F2R: variants seen among roughly 807,000 people sequenced by gnomAD.
F2R encodes the protein proteinase-activated receptor 1.
F2R carries 12 observed loss-of-function variants against 18.3 expected under a neutral mutation model. The observed-to-expected ratio is 0.66, with a 90% confidence interval of 0.42 to 1.06. F2R has a LOEUF of 1.06. Among genes scored for constraint, F2R ranks in the 50% least tolerant of loss-of-function variants. The pLI, the probability that F2R is intolerant of heterozygous loss-of-function variation, is 0.00. For missense variants in F2R, 438 were observed against 530.8 expected (o/e 0.83, Z 1.72); for synonymous variants, 210 against 219.9 (o/e 0.95, Z 0.40).
intron 1 of F2R, among the ~76,000 whole-genome samples, chr5:76,719,619 A>C (rs935222204): frequency 6.6e-6 from 1 of 151,558 alleles, no homozygotes; most frequent in Non-Finnish European, 1.5e-5. Context: ...TTGGGAGTTG[A>C]CCACAGGCCT....
chr5:76,732,597 C>A lies in F2R; in HGVS notation c.372C>A (p.Ile124=). The A allele has an allele frequency of 3.1e-6, 5 of 1,614,138 alleles. No individual in the cohort carries two copies. The highest frequency in any genetic ancestry group is 4.2e-6 in the Non-Finnish European group (5 of 1,180,038). ...VVSLPLNIMA[I]VVFILKMKVK... ...GCCTCCCACTAAACATCATGGCCATCGTTGTGTTCATCCTGAAAATGAAGG... is the reference window on the plus strand; with the variant it reads ...GCCTCCCACTAAACATCATGGCCATAGTTGTGTTCATCCTGAAAATGAAGG... Residue 124 remains isoleucine, a synonymous_variant, in exon 2 of 2, where the codon ATC becomes ATA. Transcript: ENST00000319211.
chr5:76,733,321 A>G lies in F2R; in HGVS notation c.1096A>G (p.Ile366Val). 1 of 1,614,222 alleles carries G rather than the reference A, an allele frequency of 6.2e-7. No homozygotes were observed. The highest frequency in any genetic ancestry group is 8.5e-7 in the Non-Finnish European group (1 of 1,180,036). The change falls in exon 2 of 2, where the codon ATC becomes GTC. Residue 366 changes from isoleucine (I) to valine (V), a missense_variant. Transcript: ENST00000319211. ...CTGTGTCAGCAGCATAAGCTGCTGC[A>G]TCGACCCCCTAATTTACTATTACGC... is the stretch of plus-strand genomic sequence containing the variant. ...CVCVSSISCC[I>V]DPLIYYYASS... is the part of the protein sequence containing the mutation.
intron 1 of F2R, among the ~76,000 whole-genome samples, chr5:76,729,992 T>G (rs1220157907): frequency 6.6e-6 from 1 of 152,214 alleles, no homozygotes; most frequent in Non-Finnish European, 1.5e-5. Context: ...CCTCCTTACC[T>G]TCTGCTATGA....
chr5:76,735,676 TATC>T lies in F2R; in HGVS notation c.*2176_*2178del, dbSNP rs1011474476. 8.5e-5 allele frequency: 13 copies of T among 152,314 alleles called. No homozygotes were observed. The highest frequency in any genetic ancestry group is 3.1e-4 in the African/African-American group (13 of 41,572). 9.4% of individuals were successfully genotyped at this position (152,314 alleles called of 1,614,324 possible). ...TTAGTCTGTATATATTAAAATATGA[TATC>T]ATTAATGTACTTACAAAATAGTATG... On this transcript the variant is annotated 3_prime_UTR_variant, in exon 2 of 2. Coordinates refer to ENST00000319211, the MANE Select transcript of F2R (RefSeq NM_001992.5).
rs762421387 is a variant in F2R at position 76,732,317 on chromosome 5, C to T, written c.92C>T (p.Ser31Leu). The change falls in exon 2 of 2, where the codon TCA (serine) becomes TTA (leucine). Residue 31 changes from serine to leucine, a missense_variant. Transcript: ENST00000319211. The stretch of plus-strand genomic sequence containing the variant: ...TTTTTTTAATTTTATTTTTCAGAAT[C>T]AAAAGCAACAAATGCCACCTTAGAT... The part of the protein sequence containing the change: ...SARTRARRPE[S>L]KATNATLDPR... 6.4e-7 allele frequency: 1 copy of T among 1,572,864 alleles called. No homozygotes were observed. Among genetic ancestry groups the T allele is most frequent in the East Asian group, 2.2e-5 (1 of 44,518 alleles).
intron 1 of F2R, among the ~76,000 whole-genome samples, chr5:76,724,862 G>A (rs1748528333): frequency 1.3e-5 from 2 of 152,226 alleles, no homozygotes; most frequent in African/African-American, 4.8e-5. Flanking sequence ...AGAAGCCCCA[G>A]TTCTTTTCAT....
At chr5:76,718,858 A>G (rs1478306636) in intron 1 of F2R, among the ~76,000 whole-genome samples, 1 of 152,212 alleles carries the variant, frequency 6.6e-6, no homozygotes, top group African/African-American at 2.4e-5. Flanking sequence ...ACTATGACAG[A>G]GAGAACTTGG....
At position 76,733,138 on chromosome 5, in the gene F2R, C is replaced by A; in HGVS notation, c.913C>A (p.Arg305Ser). 6.2e-7 allele frequency: 1 copy of A among 1,614,198 alleles called. No homozygotes were observed. Among genetic ancestry groups the A allele is most frequent in the Non-Finnish European group, 8.5e-7 (1 of 1,180,040 alleles). ...RCLSSSAVAN[R>S]SKKSRALFLS... ...TCTTAGCTCTTCCGCAGTTGCCAAC[C>A]GCAGCAAGAAGTCCCGGGCTTTGTT... The change falls in exon 2 of 2, where the codon CGC (arginine) becomes AGC (serine). Residue 305 changes from arginine to serine, a missense_variant. Arg to Ser is a moderately radical substitution (Grantham distance 110). Coordinates refer to ENST00000319211, the MANE Select transcript of F2R (RefSeq NM_001992.5).
At chr5:76,724,375 A>G (rs2227777) in intron 1 of F2R, among the ~76,000 whole-genome samples, 4,496 of 152,228 alleles carry the variant, frequency 0.03, 216 homozygotes, top group African/African-American at 0.099. Context: ...CCGGCCTAAC[A>G]ATTCCTTAAT....
chr5:76,725,522 T>C (rs1048234555), intron 1 of F2R, among the ~76,000 whole-genome samples: 7 of 152,196 alleles, frequency 4.6e-5, no homozygotes, highest in Non-Finnish European at 8.8e-5. Flanking sequence ...AAAAGCGAGA[T>C]ACTTAAACTC....
chr5:76,733,757 T>C lies in F2R; in HGVS notation c.*254T>C. On this transcript the variant is annotated 3_prime_UTR_variant, in exon 2 of 2. Coordinates refer to ENST00000319211, the MANE Select transcript of F2R (RefSeq NM_001992.5). ...GTAATAAATGAATGTCACTTCTGGATATAGCTAGGTGACATATACATACTT... is the reference window on the plus strand; with the variant it reads ...GTAATAAATGAATGTCACTTCTGGACATAGCTAGGTGACATATACATACTT... 1 of 487,184 alleles carries C rather than the reference T, an allele frequency of 2.1e-6. No homozygotes were observed. The allele number at this position is 487,184 out of a possible 1,614,324, so 30.2% of individuals were successfully genotyped here.
At chr5:76,718,256 G>A (rs976039765) in intron 1 of F2R, among the ~76,000 whole-genome samples, 1 of 152,198 alleles carries the variant, frequency 6.6e-6, no homozygotes, top group Non-Finnish European at 1.5e-5. Context: ...CTGGGTGCAA[G>A]CAATTAGGAA....
intron 1 of F2R, among the ~76,000 whole-genome samples, chr5:76,726,107 T>C (rs1260738576): frequency 1.3e-5 from 2 of 152,216 alleles, no homozygotes; most frequent in African/African-American, 2.4e-5. Context: ...TAAGGTTCCT[T>C]GGCCAGGTGC....
intron 1 of F2R, chr5:76,716,930 C>G: frequency 2.1e-6 from 1 of 467,906 alleles, no homozygotes; most frequent in Non-Finnish European, 3.7e-6. Context: ...CAGCCCCCGG[C>G]CCGGCCTTGT....
chr5:76,726,057 G>A (rs1748547689), intron 1 of F2R, among the ~76,000 whole-genome samples: 1 of 152,106 alleles, frequency 6.6e-6, no homozygotes, highest in South Asian at 2.1e-4. Context: ...CCCATAATCT[G>A]GCCAGGCTTC....
At chr5:76,725,381 A>G (rs1748536097) in intron 1 of F2R, among the ~76,000 whole-genome samples, 1 of 152,202 alleles carries the variant, frequency 6.6e-6, no homozygotes. Flanking sequence ...TGAGAACTGA[A>G]TTCAGGACCT....
chr5:76,725,173 A>T (rs1338115169), intron 1 of F2R, among the ~76,000 whole-genome samples: 2 of 152,230 alleles, frequency 1.3e-5, no homozygotes, highest in African/African-American at 4.8e-5. Context: ...ACATTCAGAG[A>T]TCCTCTAGTC....
At position 76,732,907 on chromosome 5, in the gene F2R, G is replaced by T; in HGVS notation, c.682G>T (p.Ala228Ser). 1.2e-6 allele frequency: 2 copies of T among 1,614,134 alleles called. No homozygotes were observed. The highest frequency in any genetic ancestry group is 1.7e-6 in the Non-Finnish European group (2 of 1,180,034). Reference sequence around the variant, plus strand: ...TTCCTTCACTTGTCTGGCCATCTGGGCTTTGGCCATCGCAGGGGTAGTGCC... The same window carrying T: ...TTCCTTCACTTGTCTGGCCATCTGGTCTTTGGCCATCGCAGGGGTAGTGCC... ...RASFTCLAIW[A>S]LAIAGVVPLL... Residue 228 changes from alanine to serine, a missense_variant, in exon 2 of 2, where the codon GCT becomes TCT. Transcript: ENST00000319211.
At chr5:76,721,735 AAT>A (rs1198463504) in intron 1 of F2R, among the ~76,000 whole-genome samples, 6 of 152,360 alleles carry the variant, frequency 3.9e-5, no homozygotes, top group African/African-American at 1.4e-4. Flanking sequence ...GTTTTCAATA[AAT>A]ATGTGTGGAC....
Sources: gnomAD v4.1 joint callset for allele counts (sites outside exome capture counted in the v4.1 genomes callset) on GRCh38, gnomAD v4.1.1 for gene constraint, MANE v1.5 for transcripts, NCBI Gene and HGNC (gene_info 2026-07-23, HGNC 2026-07-21) for gene names.